ADAMTS9: variants seen among roughly 807,000 people sequenced by gnomAD.
The protein encoded by ADAMTS9 is A disintegrin and metalloproteinase with thrombospondin motifs 9.
A neutral mutation model predicts 257.1 loss-of-function variants in ADAMTS9; 107 were observed. The observed-to-expected ratio is 0.42, with a 90% CI of 0.36 to 0.49. The LOEUF is 0.49. ADAMTS9 is among the 20% of genes least tolerant of loss of function. The pLI is 0.03. For missense variants in ADAMTS9, 2,353 were observed against 2,469.1 expected (o/e 0.95, Z 1.00); for synonymous variants, 982 against 880.9 (o/e 1.11, Z -2.03).
intron 3 of ADAMTS9, among the ~76,000 whole-genome samples, chr3:64,659,477 A>C (rs1033658392): frequency 8.0e-5 from 12 of 149,932 alleles, no homozygotes; most frequent in African/African-American, 2.7e-4. Flanking sequence ...CTCAAACAAA[A>C]AAAAAAAAAA....
intron 16 of ADAMTS9, among the ~76,000 whole-genome samples, chr3:64,625,480 G>T (rs1700202873): frequency 6.6e-6 from 1 of 152,164 alleles, no homozygotes; most frequent in African/African-American, 2.4e-5. Context: ...AATATTTGTG[G>T]TTCAGCAGCA....
At chr3:64,677,207 G>A (rs991024859) in intron 3 of ADAMTS9, among the ~76,000 whole-genome samples, 5 of 152,108 alleles carry the variant, frequency 3.3e-5, no homozygotes, top group African/African-American at 1.2e-4. Flanking sequence ...GTATGTAAAG[G>A]ACACTGCAGT....
intron 38 of ADAMTS9, among the ~76,000 whole-genome samples, chr3:64,528,481 C>A (rs1318466082): frequency 6.6e-6 from 1 of 152,162 alleles, no homozygotes; most frequent in African/African-American, 2.4e-5. Context: ...AACTTTACGA[C>A]CCCTAGCTGA....
chr3:64,644,163 A>G (rs1700729120), intron 11 of ADAMTS9, among the ~76,000 whole-genome samples: 1 of 152,244 alleles, frequency 6.6e-6, no homozygotes, highest in Admixed American at 6.5e-5. Flanking sequence ...TGTACACTGC[A>G]CTTAATATTT....
intron 3 of ADAMTS9, among the ~76,000 whole-genome samples, chr3:64,680,109 A>G (rs967829561): frequency 1.3e-5 from 2 of 152,206 alleles, no homozygotes; most frequent in African/African-American, 4.8e-5. Context: ...TTATTAAAGG[A>G]TTCACTTTAG....
chr3:64,666,335 T>C (rs1200922736), intron 3 of ADAMTS9, among the ~76,000 whole-genome samples: 2 of 152,210 alleles, frequency 1.3e-5, no homozygotes, highest in East Asian at 1.9e-4. Context: ...GGAAAGTTAA[T>C]TATTGCTCTC....
intron 25 of ADAMTS9, 27 bp from the exon 26 acceptor site, chr3:64,602,240 G>C (rs751296116): frequency 1.3e-5 from 21 of 1,607,882 alleles, no homozygotes; most frequent in Non-Finnish European, 1.7e-5. Flanking sequence ...GAAAGAGAAA[G>C]GGTCAGTCAT....
At position 64,651,094 on chromosome 3, in the gene ADAMTS9, C is replaced by T; in HGVS notation, c.1386G>A (p.Met462Ile). 1 of 1,607,256 alleles carries T rather than the reference C, an allele frequency of 6.2e-7. No homozygotes were observed. The highest frequency in any genetic ancestry group is 8.5e-7 in the Non-Finnish European group (1 of 1,177,716). The part of the protein sequence containing the change: ...EEGVKSPQHV[M>I]APTLNFYTNP... ...TGGTGTAGAAGTTCAGTGTTGGAGCCATGACATGCTGGGGACTCTTAACTC... is the reference window on the plus strand; with the variant it reads ...TGGTGTAGAAGTTCAGTGTTGGAGCTATGACATGCTGGGGACTCTTAACTC... The change falls in exon 9 of 40, where the codon ATG becomes ATA. Residue 462 changes from methionine to isoleucine, a missense_variant. This residue lies in a region of ADAMTS9 where 360 missense variants were observed against 458.1 expected (regional missense o/e 0.79). Transcript: ENST00000498707.
At chr3:64,646,593 C>A (rs1700795013) in intron 11 of ADAMTS9, among the ~76,000 whole-genome samples, 1 of 152,180 alleles carries the variant, frequency 6.6e-6, no homozygotes, top group Admixed American at 6.5e-5. Flanking sequence ...GATGAGGTCC[C>A]AGCCATAGAG....
chr3:64,642,114 G>C, intron 11 of ADAMTS9, 121 bp from the exon 12 acceptor site: 1 of 1,121,210 alleles, frequency 8.9e-7, no homozygotes, highest in African/African-American at 1.6e-5. Context: ...AAATGCTGCA[G>C]GTTCATCATC....
intron 11 of ADAMTS9, among the ~76,000 whole-genome samples, chr3:64,644,905 T>C (rs896904925): frequency 1.3e-5 from 2 of 152,184 alleles, no homozygotes; most frequent in Admixed American, 1.3e-4. Context: ...AATGTCCTCA[T>C]AGTTGCTTTT....
At chr3:64,555,070 G>A (rs1046768812) in intron 30 of ADAMTS9, among the ~76,000 whole-genome samples, 11 of 152,288 alleles carry the variant, frequency 7.2e-5, no homozygotes, top group South Asian at 6.2e-4. Context: ...TTTTCTCCAT[G>A]GATGAAAGAC....
chr3:64,519,067 C>T (rs145440825), intron 39 of ADAMTS9, among the ~76,000 whole-genome samples: 1 of 152,206 alleles, frequency 6.6e-6, no homozygotes, highest in African/African-American at 2.4e-5. Context: ...CATGAGCCAC[C>T]GTGCCCAGCC....
At chr3:64,547,863 T>C (rs1029981595) in intron 31 of ADAMTS9, among the ~76,000 whole-genome samples, 1 of 152,198 alleles carries the variant, frequency 6.6e-6, no homozygotes, top group Non-Finnish European at 1.5e-5. Flanking sequence ...CTAAGTTTTT[T>C]TTTTTATCAT....
intron 32 of ADAMTS9, among the ~76,000 whole-genome samples, chr3:64,545,664 G>T (rs1364756806): frequency 6.6e-6 from 1 of 152,116 alleles, no homozygotes; most frequent in Non-Finnish European, 1.5e-5. Context: ...TATAAATGAC[G>T]AGTTAATAGG....
chr3:64,682,145 C>T (rs577231783), intron 2 of ADAMTS9, among the ~76,000 whole-genome samples: 13 of 152,284 alleles, frequency 8.5e-5, no homozygotes, highest in Admixed American at 2.6e-4. Context: ...CCCTAGGTTC[C>T]AATTTCAGCA....
chr3:64,593,572 AC>A (rs2084300445), intron 28 of ADAMTS9, among the ~76,000 whole-genome samples: 1 of 152,128 alleles, frequency 6.6e-6, no homozygotes, highest in Admixed American at 6.5e-5. Context: ...ACAGTGGCAA[AC>A]CTGTCTCACC....
At chr3:64,625,311 T>A (rs1189835735) in intron 16 of ADAMTS9, among the ~76,000 whole-genome samples, 1 of 152,186 alleles carries the variant, frequency 6.6e-6, no homozygotes, top group Admixed American at 6.5e-5. Flanking sequence ...TCCTAACTCA[T>A]CTTTCATTGA....
rs555987433 is a variant in ADAMTS9 at position 64,672,614 on chromosome 3, T to C, written c.679+8587A>G. The stretch of plus-strand genomic sequence containing the variant: ...ACAAGAATAGCTTGAACCTGGAAGG[T>C]GGAGGTTGCAGTGGGTCAAGATCGC... On this transcript the variant is annotated intron_variant, in intron 3 of 39. Transcript: ENST00000498707. Among the ~76,000 whole-genome samples the C allele has an allele frequency of 1.2e-3, 190 of 152,254 alleles. 2 individuals carry two copies. The highest frequency in any genetic ancestry group is 4.3e-3 in the African/African-American group (178 of 41,534).
Sources: gnomAD v4.1 joint callset for allele counts (sites outside exome capture counted in the v4.1 genomes callset) on GRCh38, gnomAD v4.1.1 for gene constraint, gnomAD v4.1.1 regional missense constraint, MANE v1.5 for transcripts, NCBI Gene and HGNC (gene_info 2026-07-23, HGNC 2026-07-21) for gene names.